The following DPP6 variants were observed in gnomAD, a reference collection of about 807,000 sequenced individuals.
DPP6 encodes the protein A-type potassium channel modulatory protein DPP6.
In DPP6, 69 loss-of-function variants were observed where a neutral mutation model predicts 122.6. The observed-to-expected ratio is 0.56, with a 90% CI of 0.46 to 0.69. The LOEUF is 0.69. DPP6 is among the 30% of genes least tolerant of loss of function. The pLI is 0.00. For missense variants in DPP6, 928 were observed against 1,116.9 expected, an observed-to-expected ratio of 0.83 and a Z score of 2.41; for synonymous variants, 418 against 433.1, an observed-to-expected ratio of 0.97 and a Z score of 0.43.
intron 4 of DPP6, among the ~76,000 whole-genome samples, chr7:154,541,410 C>T (rs1828717781): frequency 6.6e-6 from 1 of 152,338 alleles, no homozygotes; most frequent in African/African-American, 2.4e-5. Context: ...GCCGGGATTA[C>T]AGGCCTGAGC....
At chr7:153,837,011 A>T in the DPP6 span, among the ~76,000 whole-genome samples, 95 of 152,306 alleles carry the variant, frequency 6.2e-4, no homozygotes, top group African/African-American at 2.1e-3. Flanking sequence ...CCTACATCCC[A>T]GGCGGAGGGA....
At chr7:154,567,382 C>T (rs532713571) in intron 5 of DPP6, among the ~76,000 whole-genome samples, 3 of 152,296 alleles carry the variant, frequency 2.0e-5, no homozygotes, top group East Asian at 1.9e-4. Flanking sequence ...ATTTTTAGCA[C>T]TTCCTGTATA....
At chr7:154,539,836 T>G (rs1828574890) in intron 3 of DPP6, among the ~76,000 whole-genome samples, 1 of 152,020 alleles carries the variant, frequency 6.6e-6, no homozygotes, top group South Asian at 2.1e-4. Context: ...TCTGTTGGAG[T>G]GTTTTTATCT....
chr7:154,712,762 G>A (rs1056560809), intron 7 of DPP6, among the ~76,000 whole-genome samples: 3 of 152,282 alleles, frequency 2.0e-5, no homozygotes, highest in Non-Finnish European at 4.4e-5. Flanking sequence ...AGACACATGG[G>A]AGTTATAGGA....
chr7:153,836,166 A>G, the DPP6 span, among the ~76,000 whole-genome samples: 1 of 152,238 alleles, frequency 6.6e-6, no homozygotes, highest in Non-Finnish European at 1.5e-5. Context: ...CACAGATTTC[A>G]GAAACTGGAA....
intron 7 of DPP6, among the ~76,000 whole-genome samples, chr7:154,713,045 C>T (rs561257591): frequency 4.6e-4 from 70 of 152,320 alleles, no homozygotes; most frequent in Non-Finnish European, 8.5e-4. Flanking sequence ...GTAAATATAC[C>T]CATTCCAAAT....
intron 1 of DPP6, among the ~76,000 whole-genome samples, chr7:154,373,032 G>T (rs1051245232): frequency 9.9e-5 from 15 of 152,236 alleles, no homozygotes; most frequent in Middle Eastern, 3.4e-3. Flanking sequence ...GTGCCTCTCG[G>T]CATCTCCTTC....
At position 154,224,133 on chromosome 7, in the gene DPP6, A is replaced by G. The variant is rs554375877; in HGVS notation, c.243+171070A>G. On this transcript the variant is annotated intron_variant, in intron 1 of 25. Coordinates refer to ENST00000377770, the MANE Select transcript of DPP6 (RefSeq NM_130797.4). The stretch of plus-strand genomic sequence containing the variant: ...CCTGGGAGGACACTGTGGCCCAGGC[A>G]GAGACACAGGCAGCCTGAACCATGA... Among the ~76,000 whole-genome samples, 492 of 148,788 alleles carry G rather than the reference A, an allele frequency of 3.3e-3. 17 individuals are homozygous for G. The highest frequency in any genetic ancestry group is 6.8e-3 in the Middle Eastern group (2 of 294).
intron 19 of DPP6, among the ~76,000 whole-genome samples, chr7:154,873,170 C>T (rs375902830): frequency 6.6e-6 from 1 of 152,216 alleles, no homozygotes; most frequent in African/African-American, 2.4e-5. Flanking sequence ...ATAAAGCCTC[C>T]GGTTTGGGTT....
intron 1 of DPP6, among the ~76,000 whole-genome samples, chr7:154,021,306 C>A (rs891810896): frequency 2.0e-5 from 3 of 152,130 alleles, no homozygotes; most frequent in Non-Finnish European, 2.9e-5. Context: ...CAGGAAGTCA[C>A]AAAATGGGCC....
chr7:153,795,155 G>A, the DPP6 span, among the ~76,000 whole-genome samples: 14 of 152,162 alleles, frequency 9.2e-5, no homozygotes, highest in East Asian at 3.9e-4. Flanking sequence ...AGTGGCTTAC[G>A]CCTGTAATCC....
the DPP6 span, among the ~76,000 whole-genome samples, chr7:153,814,489 C>A: frequency 6.6e-6 from 1 of 152,016 alleles, no homozygotes; most frequent in African/African-American, 2.4e-5. Context: ...CAAAAAGAGT[C>A]CAGGACCAGA....
At chr7:154,530,231 T>G (rs2130102318) in intron 3 of DPP6, among the ~76,000 whole-genome samples, 1 of 152,248 alleles carries the variant, frequency 6.6e-6, no homozygotes, top group Non-Finnish European at 1.5e-5. Flanking sequence ...GATATCCATC[T>G]GCCCAATTTA....
At chr7:154,493,785 T>C (rs893610532) in intron 3 of DPP6, among the ~76,000 whole-genome samples, 2 of 152,210 alleles carry the variant, frequency 1.3e-5, no homozygotes, top group African/African-American at 4.8e-5. Flanking sequence ...TCGGTCACAC[T>C]GTGATTGCGA....
chr7:154,775,653 G>A (rs1360081150), intron 10 of DPP6, among the ~76,000 whole-genome samples: 1 of 152,020 alleles, frequency 6.6e-6, no homozygotes, highest in Non-Finnish European at 1.5e-5. Context: ...CCTAGGGTGA[G>A]TCTGCCGGGT....
At chr7:154,347,158 G>A (rs578193704) in intron 1 of DPP6, among the ~76,000 whole-genome samples, 3 of 152,154 alleles carry the variant, frequency 2.0e-5, no homozygotes, top group African/African-American at 7.2e-5. Flanking sequence ...TTCATGTAAC[G>A]TACAGGAGAC....
At chr7:153,749,702 G>A in the DPP6 span, among the ~76,000 whole-genome samples, 1 of 152,154 alleles carries the variant, frequency 6.6e-6, no homozygotes, top group African/African-American at 2.4e-5. This position sits in a 1 kb window ranked among gnomAD's most constrained non-coding sequence, Gnocchi z 4.1. Context: ...GTGGGGCCCG[G>A]CCACCCTTGG....
chr7:153,893,930 C>G (rs1202347271), intron 1 of DPP6, among the ~76,000 whole-genome samples: 2 of 152,134 alleles, frequency 1.3e-5, no homozygotes, highest in African/African-American at 4.8e-5. Flanking sequence ...GTAGGTAAAG[C>G]TAGAGTCACT....
chr7:154,193,887 G>A (rs988521255), intron 1 of DPP6, among the ~76,000 whole-genome samples: 1 of 152,014 alleles, frequency 6.6e-6, no homozygotes, highest in East Asian at 1.9e-4. Context: ...TCACCACAGA[G>A]GGGTGTGCGC....
Sources: allele counts gnomAD v4.1 joint callset (sites outside exome capture counted in the v4.1 genomes callset), GRCh38; gene constraint gnomAD v4.1.1; non-coding constraint Gnocchi (gnomAD v3.1); transcripts MANE v1.5; gene names NCBI Gene and HGNC (gene_info 2026-07-23, HGNC 2026-07-21).